Variants in FAM169A observed in about 807,000 individuals in gnomAD.
FAM169A encodes the protein family with sequence similarity 169 member A, also known as soluble lamin-associated protein of 75 kDa.
Under a neutral mutation model 75.7 loss-of-function variants are expected in FAM169A, and 24 were observed. That is an observed-to-expected ratio of 0.32 (90% CI 0.23 to 0.45). FAM169A has a LOEUF of 0.45. Among genes scored for constraint, FAM169A ranks in the 20% least tolerant of loss-of-function variants. The pLI, the probability that FAM169A is intolerant of heterozygous loss-of-function variation, is 1.00. For missense variants in FAM169A, 673 were observed against 784.0 expected, an observed-to-expected ratio of 0.86 and a Z score of 1.69; for synonymous variants, 271 against 271.0, an observed-to-expected ratio of 1.00 and a Z score of 0.00.
rs1746261450 is a variant in FAM169A, at chr5:74,796,120, T to C, written c.1170A>G (p.Arg390=). 6.2e-7 allele frequency: 1 copy of C among 1,614,118 alleles called. No individual in the cohort carries two copies. The highest frequency in any genetic ancestry group is 1.1e-5 in the South Asian group (1 of 91,066). The change falls in exon 11 of 13, where the codon AGA becomes AGG. Residue 390 remains arginine, a synonymous_variant. Transcript: ENST00000687041. ...TGCTTTCATCCTCAAATTCAATCCC[T>C]CTCTGTTCAGGTTCTTCTTCCAGGA... is the stretch of plus-strand genomic sequence containing the variant. ...EEFLEEEPEQ[R]GIEFEDESSD...
At chr5:74,811,347 G>A (rs1378401839) in intron 6 of FAM169A, among the ~76,000 whole-genome samples, 1 of 152,170 alleles carries the variant, frequency 6.6e-6, no homozygotes, top group African/African-American at 2.4e-5. Context: ...GAGAGTAAGT[G>A]CTAAGGGATT....
chr5:74,800,135 C>T (rs1746492814), intron 10 of FAM169A: 8 of 499,996 alleles, frequency 1.6e-5, no homozygotes, highest in South Asian at 6.0e-5. Context: ...GCAGCTGTGC[C>T]GTGGCACGAT....
intron 6 of FAM169A, among the ~76,000 whole-genome samples, 185 bp downstream of exon 6, chr5:74,813,655 T>C (rs1237293040): frequency 2.6e-5 from 4 of 152,030 alleles, no homozygotes; most frequent in Non-Finnish European, 5.9e-5. Context: ...ACATTTATAG[T>C]TTTTTAAGAC....
chr5:74,815,334 C>T (rs528912064), intron 5 of FAM169A, among the ~76,000 whole-genome samples: 18 of 151,868 alleles, frequency 1.2e-4, no homozygotes, highest in South Asian at 2.1e-4. Flanking sequence ...GGATTACAGG[C>T]GCCCGCCACC....
chr5:74,782,785 TATA>T (rs1364459134), intron 12 of FAM169A, 143 bp downstream of exon 12: 2 of 518,646 alleles, frequency 3.9e-6, no homozygotes, highest in Non-Finnish European at 6.8e-6. Context: ...CTGATTTTCT[TATA>T]ATATCAAATC....
At chr5:74,854,762 C>G (rs1749622436) in intron 1 of FAM169A, among the ~76,000 whole-genome samples, 2 of 152,170 alleles carry the variant, frequency 1.3e-5, no homozygotes, top group Admixed American at 1.3e-4. Flanking sequence ...CAAGTTCCAT[C>G]CATGTTGTTG....
Position 74,794,033 on chromosome 5 carries a change from A to G in FAM169A, c.1260+1997T>C, listed in dbSNP as rs1390709848. On this transcript the variant is annotated intron_variant, in intron 11 of 12. Transcript: ENST00000687041. ...AAAAAAAAAAAAAGAAATATTACAA[A>G]AATAAACATAAAAATATCATTTCAT... Among the ~76,000 whole-genome samples, 11 of 150,882 alleles carry G rather than the reference A, an allele frequency of 7.3e-5. No individual in the cohort carries two copies. In the East Asian group the frequency reaches 2.2e-3, roughly 30 times the overall value.
At chr5:74,782,082 G>A in intron 12 of FAM169A, 74 bp from the exon 13 acceptor site, 1 of 1,131,866 alleles carries the variant, frequency 8.8e-7, no homozygotes, top group Non-Finnish European at 1.3e-6. Context: ...GCTCTAATAT[G>A]CAGTGACACT....
intron 1 of FAM169A, among the ~76,000 whole-genome samples, chr5:74,852,933 G>T (rs963560793): frequency 3.9e-5 from 6 of 152,148 alleles, no homozygotes; most frequent in African/African-American, 1.2e-4. Context: ...TGCTGCTATG[G>T]TAAGTACCTT....
At chr5:74,789,996 A>G (rs541453669) in intron 11 of FAM169A, among the ~76,000 whole-genome samples, 1 of 152,342 alleles carries the variant, frequency 6.6e-6, no homozygotes, top group East Asian at 1.9e-4. Flanking sequence ...CCATCTAGTC[A>G]TAAAGTGGGT....
Position 74,834,612 on chromosome 5 carries a change from A to G in FAM169A, c.319-15T>C. 6.6e-7 allele frequency: 1 copy of G among 1,513,150 alleles called. No individual in the cohort carries two copies. The highest frequency in any genetic ancestry group is 1.4e-5 in the South Asian group (1 of 72,042). 93.7% of individuals were successfully genotyped at this position (1,513,150 alleles called of 1,614,324 possible). ...AGAGTGCTCACCTACAAAGAGAGTC[A>G]AACACCAGGCACAGCAGTTATAATA... On this transcript the variant is annotated splice_polypyrimidine_tract_variant and intron_variant, in intron 4 of 12. Coordinates refer to ENST00000687041, the MANE Select transcript of FAM169A (RefSeq NM_001376049.1).
chr5:74,866,921 CACTT>C, upstream of FAM169A: 4 of 985,520 alleles, frequency 4.1e-6, no homozygotes, highest in Non-Finnish European at 3.6e-6. Flanking sequence ...AACCTACTGC[CACTT>C]AGGTGCATGC....
chr5:74,837,814 C>T (rs1375855307), intron 4 of FAM169A, among the ~76,000 whole-genome samples: 2 of 152,006 alleles, frequency 1.3e-5, no homozygotes, highest in African/African-American at 4.8e-5. Context: ...ATATATATTT[C>T]TGTTAAATTC....
At chr5:74,860,025 C>A (rs929474311) in intron 1 of FAM169A, among the ~76,000 whole-genome samples, 1 of 152,118 alleles carries the variant, frequency 6.6e-6, no homozygotes, top group Admixed American at 6.5e-5. Flanking sequence ...TACATTATCA[C>A]ATTGAGGTAA....
intron 6 of FAM169A, among the ~76,000 whole-genome samples, chr5:74,805,912 T>C (rs1373704841): frequency 8.6e-6 from 1 of 116,720 alleles, no homozygotes; most frequent in East Asian, 2.4e-4. Context: ...AATTCAAAAA[T>C]GAAAGAACAA....
At chr5:74,799,607 G>A (rs1409743284) in intron 10 of FAM169A, 3 of 1,457,584 alleles carry the variant, frequency 2.1e-6, no homozygotes, top group African/African-American at 2.8e-5. Flanking sequence ...GGCACTGGTG[G>A]CTGGGTCCAC....
At chr5:74,863,104 A>G (rs960588590) in intron 1 of FAM169A, among the ~76,000 whole-genome samples, 3 of 152,102 alleles carry the variant, frequency 2.0e-5, no homozygotes, top group Admixed American at 6.6e-5. Context: ...GTTAGCATAG[A>G]TGAGTAGTCC....
chr5:74,832,644 A>G (rs909279332), intron 5 of FAM169A, among the ~76,000 whole-genome samples: 6 of 149,214 alleles, frequency 4.0e-5, no homozygotes, highest in African/African-American at 1.5e-4. Context: ...CTTTATATAT[A>G]TAAATATAAC....
At chr5:74,838,781 T>C (rs568914886) in intron 4 of FAM169A, among the ~76,000 whole-genome samples, 184 bp downstream of exon 4, 7 of 152,346 alleles carry the variant, frequency 4.6e-5, no homozygotes, top group South Asian at 4.1e-4. Context: ...CAGATACTTA[T>C]AGAATCACAT....
Sources: gnomAD v4.1 joint callset for allele counts (sites outside exome capture counted in the v4.1 genomes callset) on GRCh38, gnomAD v4.1.1 for gene constraint, MANE v1.5 for transcripts, NCBI Gene and HGNC (gene_info 2026-07-23, HGNC 2026-07-21) for gene names.